The following NRXN3 variants were observed in gnomAD, a reference collection of about 807,000 sequenced individuals.
NRXN3 encodes the protein neurexin 3.
In NRXN3, 32 loss-of-function variants were observed where a neutral mutation model predicts 137.6. The observed-to-expected ratio is 0.23, with a 90% CI of 0.18 to 0.31. The LOEUF (loss-of-function observed/expected upper bound fraction) is 0.31, where lower values mean the gene tolerates loss of function less well. Ranked by LOEUF, NRXN3 falls within the 10% of genes least tolerant of loss-of-function variation. The pLI is 1.00. For missense variants in NRXN3, 1,574 were observed against 2,062.5 expected (o/e 0.76, Z 4.59); for synonymous variants, 798 against 784.5 (o/e 1.02, Z -0.29).
intron 16 of NRXN3, among the ~76,000 whole-genome samples, chr14:79,525,567 C>A (rs1182630212): frequency 6.6e-6 from 1 of 152,206 alleles, no homozygotes; most frequent in Non-Finnish European, 1.5e-5. Flanking sequence ...ACAAATGAAT[C>A]AGTCAGCTCA....
At chr14:79,033,008 C>A (rs1346816422) in intron 15 of NRXN3, among the ~76,000 whole-genome samples, 1 of 152,072 alleles carries the variant, frequency 6.6e-6, no homozygotes, top group Non-Finnish European at 1.5e-5. Flanking sequence ...ATTGTTGCCA[C>A]CTCTAGACAC....
chr14:78,797,518 A>T lies in NRXN3; in HGVS notation c.2045-6102A>T, dbSNP rs535185357. Among the ~76,000 whole-genome samples, 43 of 152,362 alleles carry T rather than the reference A, an allele frequency of 2.8e-4. No individual in the cohort carries two copies. In the South Asian group the frequency reaches 8.7e-3, roughly 31 times the overall value. ...GAATGAGAACAATGATTCATCAAGTAGATAATAAAATAATGAAATTTTAAT... is the reference window on the plus strand; with the variant it reads ...GAATGAGAACAATGATTCATCAAGTTGATAATAAAATAATGAAATTTTAAT... On this transcript the variant is annotated intron_variant, in intron 8 of 20. Coordinates refer to ENST00000335750, the MANE Select transcript of NRXN3 (RefSeq NM_001330195.2).
intron 15 of NRXN3, among the ~76,000 whole-genome samples, chr14:79,210,128 C>A (rs1597314474): frequency 6.6e-6 from 1 of 152,140 alleles, no homozygotes; most frequent in Non-Finnish European, 1.5e-5. Context: ...TGGGTAACCA[C>A]CTTAATTTCT....
chr14:79,279,255 G>C (rs2080843135), intron 15 of NRXN3: 3 of 729,176 alleles, frequency 4.1e-6, no homozygotes, highest in Non-Finnish European at 3.4e-6. Context: ...GGGTCGCTCT[G>C]GCCCCTCCTT....
intron 15 of NRXN3, among the ~76,000 whole-genome samples, chr14:79,454,493 G>A (rs1326620349): frequency 1.3e-5 from 2 of 152,146 alleles, no homozygotes; most frequent in Non-Finnish European, 1.5e-5. Context: ...TGGGAATACA[G>A]GCATGAGTCA....
intron 4 of NRXN3, among the ~76,000 whole-genome samples, chr14:78,333,215 G>A (rs2081046111): frequency 6.6e-6 from 1 of 152,316 alleles, no homozygotes; most frequent in South Asian, 2.1e-4. Context: ...GCAGGCCTAA[G>A]GGAGACTGGT....
At position 78,499,491 on chromosome 14, in the gene NRXN3, T is replaced by C. The variant is rs117800468; in HGVS notation, c.758-145629T>C. ...TAACTTTTTATGACTTTGTATTGAATTAAAATTATAATGCTTTATTAGTTA... is the reference window on the plus strand; with the variant it reads ...TAACTTTTTATGACTTTGTATTGAACTAAAATTATAATGCTTTATTAGTTA... On this transcript the variant is annotated intron_variant, in intron 4 of 20. Coordinates refer to ENST00000335750, the MANE Select transcript of NRXN3 (RefSeq NM_001330195.2). Among the ~76,000 whole-genome samples, 165 of 152,346 alleles carry C rather than the reference T, an allele frequency of 1.1e-3. 4 individuals are homozygous for C. In the East Asian group the frequency reaches 0.029, roughly 27 times the overall value.
At chr14:78,727,643 G>A (rs867021015) in intron 8 of NRXN3, among the ~76,000 whole-genome samples, 82 of 152,234 alleles carry the variant, frequency 5.4e-4, no homozygotes, top group African/African-American at 1.9e-3. Flanking sequence ...GCTGAGATAG[G>A]AGAATCACCT....
intron 1 of NRXN3, among the ~76,000 whole-genome samples, chr14:78,175,168 T>A (rs1320541776): frequency 1.3e-5 from 2 of 150,802 alleles, no homozygotes; most frequent in Non-Finnish European, 3.0e-5. Flanking sequence ...TAAGTGAAAT[T>A]GGAAAACATT....
At chr14:79,338,539 G>A (rs775022033) in intron 15 of NRXN3, among the ~76,000 whole-genome samples, 1 of 152,122 alleles carries the variant, frequency 6.6e-6, no homozygotes, top group Non-Finnish European at 1.5e-5. Flanking sequence ...TACTACCCAT[G>A]TGACTTTGGA....
chr14:78,827,590 T>G (rs551408853), intron 10 of NRXN3, among the ~76,000 whole-genome samples: 44 of 152,366 alleles, frequency 2.9e-4, no homozygotes, highest in African/African-American at 1.1e-3. Flanking sequence ...CCATAATAAC[T>G]GCCATTCCTA....
At chr14:79,502,384 T>C (rs574608767) in intron 16 of NRXN3, among the ~76,000 whole-genome samples, 15 of 152,266 alleles carry the variant, frequency 9.9e-5, no homozygotes, top group African/African-American at 3.6e-4. Context: ...CTGCTCTGCA[T>C]TGAGGGAGAG....
At chr14:79,852,279 A>ACACACACACC (rs1185327083) in intron 20 of NRXN3, among the ~76,000 whole-genome samples, 1 of 140,456 alleles carries the variant, frequency 7.1e-6, no homozygotes, top group Admixed American at 7.1e-5. Flanking sequence ...ACACACACAC[A>ACACACACACC]CCTCTCACAT....
intron 4 of NRXN3, among the ~76,000 whole-genome samples, chr14:78,368,782 T>C (rs1216145230): frequency 6.6e-6 from 1 of 152,178 alleles, no homozygotes; most frequent in Non-Finnish European, 1.5e-5. Flanking sequence ...TAAACTGTTA[T>C]GAATTCTTAA....
intron 4 of NRXN3, among the ~76,000 whole-genome samples, chr14:78,568,685 A>G (rs1408313935): frequency 6.6e-6 from 1 of 152,210 alleles, no homozygotes; most frequent in African/African-American, 2.4e-5. Context: ...TCCTGGGTTC[A>G]ATGTGTTAGC....
intron 15 of NRXN3, among the ~76,000 whole-genome samples, chr14:79,239,662 C>T (rs1203148962): frequency 6.6e-6 from 1 of 152,078 alleles, no homozygotes; most frequent in Admixed American, 6.6e-5. Context: ...TATATATCCC[C>T]AGAGCTTGAA....
At chr14:78,407,603 G>C (rs1215559838) in intron 4 of NRXN3, among the ~76,000 whole-genome samples, 1 of 152,156 alleles carries the variant, frequency 6.6e-6, no homozygotes, top group Non-Finnish European at 1.5e-5. Context: ...GACTCTTTGA[G>C]CCCTGTGCTG....
intron 15 of NRXN3, among the ~76,000 whole-genome samples, chr14:79,060,933 A>C (rs191015435): frequency 6.6e-6 from 1 of 152,138 alleles, no homozygotes; most frequent in South Asian, 2.1e-4. Context: ...CTCACTGTGC[A>C]TCACTGATTA....
At chr14:78,193,912 C>G (rs2060980683) in intron 1 of NRXN3, among the ~76,000 whole-genome samples, 1 of 152,188 alleles carries the variant, frequency 6.6e-6, no homozygotes, top group Non-Finnish European at 1.5e-5. Context: ...GCCTTTCTCT[C>G]TCTGTACCTC....
Sources: allele counts gnomAD v4.1 joint callset (sites outside exome capture counted in the v4.1 genomes callset), GRCh38; gene constraint gnomAD v4.1.1; transcripts MANE v1.5; gene names NCBI Gene and HGNC (gene_info 2026-07-23, HGNC 2026-07-21).